The following ADGRD1 variants were observed in gnomAD, a reference collection of about 807,000 sequenced individuals.
ADGRD1 encodes G-protein coupled receptor 133.
ADGRD1 carries 77 observed loss-of-function variants against 113.4 expected under a neutral mutation model. The observed-to-expected ratio is 0.68, with a 90% CI of 0.57 to 0.82. ADGRD1 has a LOEUF of 0.82. ADGRD1 is among the 40% of genes least tolerant of loss of function. The probability of loss-of-function intolerance (pLI) is 0.00; values close to 1 mark genes in which losing one functional copy is unlikely to be tolerated. For synonymous variants in ADGRD1, 474 were observed against 475.0 expected (o/e 1.00, Z 0.03); for missense variants, 1,036 against 1,139.1 (o/e 0.91, Z 1.30).
intron 13 of ADGRD1, among the ~76,000 whole-genome samples, chr12:131,067,050 G>C (rs1359987301): frequency 6.6e-6 from 1 of 152,100 alleles, no homozygotes; most frequent in Non-Finnish European, 1.5e-5. Context: ...CTCAGGATAG[G>C]AGTGGAGGAT....
At chr12:131,070,667 T>C (rs934911034) in intron 13 of ADGRD1, 12 of 362,554 alleles carry the variant, frequency 3.3e-5, no homozygotes, top group Admixed American at 6.0e-5. Flanking sequence ...TGAGCAGAGG[T>C]GGGAGGAAAG....
intron 15 of ADGRD1, among the ~76,000 whole-genome samples, chr12:131,085,228 G>A (rs903239882): frequency 1.5e-4 from 23 of 152,196 alleles, no homozygotes; most frequent in African/African-American, 3.9e-4. Context: ...GGGGAGCGGG[G>A]CGTCTTCACG....
At chr12:131,136,864 C>G in intron 22 of ADGRD1, 109 bp from the exon 23 acceptor site, 1 of 889,806 alleles carries the variant, frequency 1.1e-6, no homozygotes. Flanking sequence ...GACCTGGTGT[C>G]ACAGTGTGCG....
intron 13 of ADGRD1, among the ~76,000 whole-genome samples, chr12:131,065,751 T>C (rs1477375586): frequency 6.6e-6 from 1 of 151,042 alleles, no homozygotes; most frequent in Non-Finnish European, 1.5e-5. Flanking sequence ...GGAGAGGGGG[T>C]ATTTTTATCA....
At chr12:131,054,413 T>C (rs1883670761) in intron 13 of ADGRD1, among the ~76,000 whole-genome samples, 1 of 152,218 alleles carries the variant, frequency 6.6e-6, no homozygotes, top group Non-Finnish European at 1.5e-5. Context: ...GCCTGGCGTT[T>C]TCCACTCAGC....
At chr12:131,001,814 A>G (rs1282201657) in intron 9 of ADGRD1, among the ~76,000 whole-genome samples, 1 of 152,238 alleles carries the variant, frequency 6.6e-6, no homozygotes, top group Non-Finnish European at 1.5e-5. Context: ...AAGGGTCCCA[A>G]CCACACCACC....
At chr12:131,059,567 T>C (rs955389853) in intron 13 of ADGRD1, among the ~76,000 whole-genome samples, 1 of 152,214 alleles carries the variant, frequency 6.6e-6, no homozygotes, top group African/African-American at 2.4e-5. Context: ...TGAGGATCCC[T>C]AATCTGAAAA....
intron 2 of ADGRD1, chr12:130,957,138 AC>A (rs1751775082): frequency 6.6e-6 from 1 of 152,044 alleles, no homozygotes; most frequent in African/African-American, 2.4e-5. Flanking sequence ...ACACACCCAC[AC>A]CCACATGTGC....
chr12:130,955,184 C>T (rs529489325), intron 2 of ADGRD1, among the ~76,000 whole-genome samples: 8 of 136,732 alleles, frequency 5.9e-5, no homozygotes, highest in Admixed American at 4.8e-4. Flanking sequence ...AGGCTGGTCT[C>T]GAACTCCTGA....
intron 18 of ADGRD1, among the ~76,000 whole-genome samples, chr12:131,110,387 G>A (rs928938149): frequency 6.7e-6 from 1 of 149,802 alleles, no homozygotes; most frequent in African/African-American, 2.5e-5. Flanking sequence ...CTTAGCGATT[G>A]ACCTAATGCT....
At chr12:131,082,581 GC>G (rs1355637015) in intron 14 of ADGRD1, among the ~76,000 whole-genome samples, 1 of 151,458 alleles carries the variant, frequency 6.6e-6, no homozygotes, top group East Asian at 1.9e-4. Context: ...TAATGTTCAG[GC>G]CCCCCCCTCA....
chr12:131,128,744 A>G (rs1950810701), intron 20 of ADGRD1, among the ~76,000 whole-genome samples: 1 of 152,150 alleles, frequency 6.6e-6, no homozygotes, highest in African/African-American at 2.4e-5. Context: ...GGCGGCCTTC[A>G]GTGTATGTGG....
chr12:131,043,783 A>G (rs926533237), intron 13 of ADGRD1, among the ~76,000 whole-genome samples: 5 of 152,248 alleles, frequency 3.3e-5, no homozygotes, highest in African/African-American at 9.6e-5. Flanking sequence ...ACCGGAGGGC[A>G]TAGTGACTGG....
intron 2 of ADGRD1, among the ~76,000 whole-genome samples, chr12:130,960,073 A>C (rs1164569783): frequency 1.3e-5 from 2 of 152,212 alleles, no homozygotes; most frequent in Non-Finnish European, 1.5e-5. Context: ...TGAAGCTGTG[A>C]TGGTTGATTA....
At chr12:131,109,776 A>C (rs764390641) in intron 18 of ADGRD1, among the ~76,000 whole-genome samples, 66 of 152,156 alleles carry the variant, frequency 4.3e-4, no homozygotes, top group South Asian at 8.3e-4. Flanking sequence ...CAAGTCTTCT[A>C]TTTCATCGCT....
In ADGRD1 at chr12:130,997,737, G is replaced by T. The variant is rs989025551; in HGVS notation, c.967-2646G>T. On this transcript the variant is annotated intron_variant, in intron 8 of 24. Coordinates refer to ENST00000261654, the MANE Select transcript of ADGRD1 (RefSeq NM_198827.5). Reference sequence around the variant, plus strand: ...TTTCCAGACTGGGCAGCCAGGCAGAGGGGCTCCTCACATCCCAGACGATGG... The same window carrying T: ...TTTCCAGACTGGGCAGCCAGGCAGATGGGCTCCTCACATCCCAGACGATGG... Among the ~76,000 whole-genome samples, 3 of 151,686 alleles carry T rather than the reference G, an allele frequency of 2.0e-5. No homozygotes were observed. The South Asian group carries it at 6.3e-4, about 32-fold the overall frequency.
chr12:131,017,826 CCA>C (rs1878801475), intron 13 of ADGRD1, among the ~76,000 whole-genome samples: 1 of 149,902 alleles, frequency 6.7e-6, no homozygotes. Context: ...CACACCCAGT[CCA>C]CACACACTCA....
In ADGRD1 at chr12:130,984,106, G is replaced by A. The variant is rs1338797269; in HGVS notation, c.490+2043G>A. On this transcript the variant is annotated intron_variant, in intron 5 of 24. Transcript: ENST00000261654. This position sits in a 1 kb window ranked among gnomAD's most constrained non-coding sequence, Gnocchi z 4.1. ...ACAGGCTGATGCCAATGGCCTGTGG[G>A]CTGAGTTGGGTCCTCAGATGGGTTT... Among the ~76,000 whole-genome samples the A allele has an allele frequency of 6.6e-6, 1 of 152,246 alleles. No individual in the cohort carries two copies. Among genetic ancestry groups the A allele is most frequent in the African/African-American group, 2.4e-5 (1 of 41,466 alleles).
intron 13 of ADGRD1, among the ~76,000 whole-genome samples, chr12:131,051,640 C>T (rs561669705): frequency 3.9e-4 from 60 of 152,176 alleles, no homozygotes; most frequent in Non-Finnish European, 5.0e-4. Context: ...CCCGCCACCA[C>T]GCCAGGCGAA....
Sources: allele counts gnomAD v4.1 joint callset (sites outside exome capture counted in the v4.1 genomes callset), GRCh38; gene constraint gnomAD v4.1.1; non-coding constraint Gnocchi (gnomAD v3.1); transcripts MANE v1.5; gene names NCBI Gene and HGNC (gene_info 2026-07-23, HGNC 2026-07-21).